Variants in XYLT1 observed in about 807,000 individuals in gnomAD.
XYLT1 encodes xylosyltransferase 1, also known as beta-D-xylosyltransferase 1.
XYLT1 carries 36 observed loss-of-function variants against 91.3 expected under a neutral mutation model. The observed-to-expected ratio is 0.39, with a 90% CI of 0.30 to 0.52. The LOEUF (loss-of-function observed/expected upper bound fraction) is 0.52. Ranked by LOEUF, XYLT1 falls within the 20% of genes least tolerant of loss-of-function variation. XYLT1 has a pLI of 0.68. For missense variants in XYLT1, 1,242 were observed against 1,284.5 expected (o/e 0.97, Z 0.51); for synonymous variants, 588 against 532.0 (o/e 1.11, Z -1.45).
At chr16:17,116,086 AC>A (rs1966851832) in intron 11 of XYLT1, among the ~76,000 whole-genome samples, 3 of 152,098 alleles carry the variant, frequency 2.0e-5, no homozygotes, top group Admixed American at 1.3e-4. Context: ...TTTATGCTTT[AC>A]AAGTATGGAA....
At chr16:17,330,691 G>A (rs2034882828) in intron 2 of XYLT1, among the ~76,000 whole-genome samples, 1 of 152,056 alleles carries the variant, frequency 6.6e-6, no homozygotes, top group African/African-American at 2.4e-5. Flanking sequence ...CTACTCGGGA[G>A]GCTGAGGCAG....
intron 5 of XYLT1, among the ~76,000 whole-genome samples, chr16:17,186,445 G>A (rs2032184472): frequency 6.7e-6 from 1 of 149,976 alleles, no homozygotes; most frequent in African/African-American, 2.5e-5. Flanking sequence ...GCGTTACAGG[G>A]GTGCACCACC....
At chr16:17,213,792 G>A (rs952488549) in intron 3 of XYLT1, among the ~76,000 whole-genome samples, 3 of 151,870 alleles carry the variant, frequency 2.0e-5, no homozygotes, top group Admixed American at 1.3e-4. Flanking sequence ...CTAATTTTTT[G>A]TATTTTTAGT....
chr16:17,435,000 T>C (rs771091828), intron 1 of XYLT1, among the ~76,000 whole-genome samples: 6 of 152,220 alleles, frequency 3.9e-5, no homozygotes, highest in Admixed American at 2.0e-4. Context: ...GCTTGGCCCA[T>C]GCACTCATGG....
intron 8 of XYLT1, among the ~76,000 whole-genome samples, chr16:17,136,119 A>T (rs1365864816): frequency 2.0e-5 from 3 of 152,208 alleles, no homozygotes; most frequent in Non-Finnish European, 4.4e-5. Context: ...CACAATACGC[A>T]GGGCAATGGA....
intron 1 of XYLT1, among the ~76,000 whole-genome samples, chr16:17,384,355 G>T (rs80213736): frequency 6.6e-6 from 1 of 151,608 alleles, no homozygotes; most frequent in African/African-American, 2.4e-5. Flanking sequence ...TCTGTCTCTC[G>T]GCTGGCCAGA....
At chr16:17,261,638 G>C (rs1409390400) in intron 2 of XYLT1, among the ~76,000 whole-genome samples, 2 of 152,212 alleles carry the variant, frequency 1.3e-5, no homozygotes, top group African/African-American at 4.8e-5. Context: ...GAATCTGCTA[G>C]AGGTGTGTGA....
At chr16:17,196,773 CAA>C (rs2032434004) in intron 5 of XYLT1, among the ~76,000 whole-genome samples, 1 of 151,964 alleles carries the variant, frequency 6.6e-6, no homozygotes, top group Non-Finnish European at 1.5e-5. Context: ...GCTGCCCTCT[CAA>C]GAGAAAATAA....
chr16:17,133,830 G>T (rs1042977793), intron 9 of XYLT1, among the ~76,000 whole-genome samples: 3 of 152,176 alleles, frequency 2.0e-5, no homozygotes, highest in African/African-American at 7.2e-5. Flanking sequence ...TGAGACAATT[G>T]TAAGGGGTGG....
intron 6 of XYLT1, among the ~76,000 whole-genome samples, chr16:17,154,644 A>T (rs536159743): frequency 6.6e-6 from 1 of 152,302 alleles, no homozygotes; most frequent in African/African-American, 2.4e-5. Context: ...CAATGTATCT[A>T]GTGACTTTAC....
At chr16:17,327,084 A>T (rs1211567249) in intron 2 of XYLT1, among the ~76,000 whole-genome samples, 1 of 152,242 alleles carries the variant, frequency 6.6e-6, no homozygotes, top group East Asian at 1.9e-4. Flanking sequence ...GCTAATGGAC[A>T]GCACGGGTGG....
At chr16:17,393,250 T>C (rs1171366311) in intron 1 of XYLT1, among the ~76,000 whole-genome samples, 1 of 152,186 alleles carries the variant, frequency 6.6e-6, no homozygotes, top group Non-Finnish European at 1.5e-5. Context: ...TGTGAGCAGG[T>C]GGATCTGAAG....
In XYLT1 at chr16:17,470,902, GCTCGGGCCGCCGCCGCCGC is replaced by G. The variant is rs2036984158; in HGVS notation, c.-125_-107del. On this transcript the variant is annotated 5_prime_UTR_variant, in exon 1 of 12. Transcript: ENST00000261381. ...GCCGCCGGCTGCCGCTCGGGCTCCC[GCTCGGGCCGCCGCCGCCGC>G]CCCCCTCCCCACACCCCTGTCCCCG... 1.2e-6 allele frequency: 1 copy of G among 869,004 alleles called. No individual in the cohort carries two copies. The allele number at this position is 869,004 out of a possible 1,614,324, so 53.8% of individuals were successfully genotyped here.
At chr16:17,283,285 AT>A in intron 2 of XYLT1, among the ~76,000 whole-genome samples, 1 of 152,302 alleles carries the variant, frequency 6.6e-6, no homozygotes, top group Non-Finnish European at 1.5e-5. Context: ...TAATAAGTGA[AT>A]TGTTCTTTAA....
chr16:17,129,085 A>G, intron 9 of XYLT1, among the ~76,000 whole-genome samples: 1 of 149,598 alleles, frequency 6.7e-6, no homozygotes, highest in African/African-American at 2.5e-5. Flanking sequence ...AAAAAAAAAA[A>G]AAAAAAAAAA....
chr16:17,156,007 C>T (rs552823117), intron 6 of XYLT1, among the ~76,000 whole-genome samples: 1 of 152,308 alleles, frequency 6.6e-6, no homozygotes, highest in South Asian at 2.1e-4. Context: ...TCACCATCAC[C>T]ATCATCATAA....
intron 5 of XYLT1, among the ~76,000 whole-genome samples, chr16:17,186,598 G>A (rs1353764866): frequency 4.6e-5 from 7 of 151,826 alleles, no homozygotes; most frequent in East Asian, 1.9e-4. Flanking sequence ...CACTGCGCCT[G>A]CTGAACTCTG....
chr16:17,268,370 T>C (rs2033836864), intron 2 of XYLT1, among the ~76,000 whole-genome samples: 3 of 152,236 alleles, frequency 2.0e-5, no homozygotes, highest in Admixed American at 1.3e-4. Context: ...ATTTTAAGAA[T>C]GCCTTAGTTT....
intron 7 of XYLT1, 122 bp downstream of exon 7, chr16:17,141,031 G>T: frequency 2.2e-6 from 2 of 921,498 alleles, no homozygotes; most frequent in African/African-American, 1.6e-5. Flanking sequence ...AAGGATGTCT[G>T]GGTGTGTAGA....
Sources: allele counts gnomAD v4.1 joint callset (sites outside exome capture counted in the v4.1 genomes callset), GRCh38; gene constraint gnomAD v4.1.1; transcripts MANE v1.5; gene names NCBI Gene and HGNC (gene_info 2026-07-23, HGNC 2026-07-21).